Variants in IGF2BP3 observed in about 807,000 individuals in gnomAD.
IGF2BP3 encodes the protein insulin-like growth factor 2 mRNA-binding protein 3.
Under a neutral mutation model 73.8 loss-of-function variants are expected in IGF2BP3, and 9 were observed. The observed-to-expected ratio is 0.12, with a 90% CI of 0.07 to 0.21. The LOEUF (loss-of-function observed/expected upper bound fraction) is 0.21. Ranked by LOEUF, IGF2BP3 falls within the 10% of genes least tolerant of loss-of-function variation. The probability of loss-of-function intolerance (pLI) is 1.00; values close to 1 mark genes in which losing one functional copy is unlikely to be tolerated. For missense variants in IGF2BP3, 542 were observed against 714.0 expected, an observed-to-expected ratio of 0.76 and a Z score of 2.75; for synonymous variants, 258 against 256.7, an observed-to-expected ratio of 1.01 and a Z score of -0.05.
intron 6 of IGF2BP3, among the ~76,000 whole-genome samples, chr7:23,351,104 T>C (rs1583920277): frequency 2.0e-5 from 3 of 152,198 alleles, no homozygotes; most frequent in Admixed American, 6.5e-5. Flanking sequence ...AATCTGACGT[T>C]CCCTTTGAGA....
chr7:23,407,958 GGC>G (rs1562733797), intron 3 of IGF2BP3, among the ~76,000 whole-genome samples: 3 of 42,026 alleles, frequency 7.1e-5, no homozygotes, highest in East Asian at 4.6e-4. Flanking sequence ...GGGGGCGGGG[GGC>G]GGGGGGGGGG....
chr7:23,412,842 CTTTTTTTTTTTTTTTTTTTTT>C (rs557467066), intron 3 of IGF2BP3, among the ~76,000 whole-genome samples: 8 of 36,982 alleles, frequency 2.2e-4, no homozygotes, highest in African/African-American at 3.3e-4. Flanking sequence ...AGACTCTGGC[CTTTTTTTTTTTTTTTTTTTTT>C]TTTTTTTTTT....
At chr7:23,401,283 T>G (rs1786653767) in intron 3 of IGF2BP3, among the ~76,000 whole-genome samples, 1 of 152,100 alleles carries the variant, frequency 6.6e-6, no homozygotes, top group Admixed American at 6.5e-5. Context: ...GAGGAACAGT[T>G]GCGGGCCCCC....
At chr7:23,426,882 C>G (rs1009220824) in intron 2 of IGF2BP3, among the ~76,000 whole-genome samples, 2 of 152,200 alleles carry the variant, frequency 1.3e-5, no homozygotes, top group Non-Finnish European at 2.9e-5. Flanking sequence ...ATCATGCCTT[C>G]TGTGTTTTTT....
intron 10 of IGF2BP3, among the ~76,000 whole-genome samples, chr7:23,333,340 C>T (rs948727492): frequency 2.0e-5 from 3 of 152,070 alleles, no homozygotes. Context: ...CCTAAATATC[C>T]CCAGAGAACA....
chr7:23,372,636 A>C (rs897573376), intron 3 of IGF2BP3, among the ~76,000 whole-genome samples: 5 of 152,198 alleles, frequency 3.3e-5, no homozygotes, highest in African/African-American at 9.6e-5. Context: ...ACTGATTTTA[A>C]AAGCCGAGCA....
intron 10 of IGF2BP3, among the ~76,000 whole-genome samples, chr7:23,341,199 T>C (rs922510815): frequency 3.3e-5 from 5 of 152,132 alleles, no homozygotes; most frequent in Non-Finnish European, 5.9e-5. Flanking sequence ...AAACATCTGC[T>C]TAATGTATGC....
At chr7:23,314,260 G>A (rs192869183) in intron 12 of IGF2BP3, among the ~76,000 whole-genome samples, 297 of 150,808 alleles carry the variant, frequency 2.0e-3, no homozygotes, top group Non-Finnish European at 3.0e-3. Context: ...TTGGGTCACT[G>A]CAACCCCCGC....
intron 2 of IGF2BP3, among the ~76,000 whole-genome samples, chr7:23,456,920 G>A (rs10950945): frequency 0.17 from 25,592 of 151,956 alleles, 2,457 homozygotes; most frequent in South Asian, 0.27. Context: ...GTAGTGGCAC[G>A]CGCCCATAGT....
At chr7:23,387,020 T>C (rs1786103680) in intron 3 of IGF2BP3, among the ~76,000 whole-genome samples, 3 of 147,160 alleles carry the variant, frequency 2.0e-5, no homozygotes. Flanking sequence ...TGAGCAGAGA[T>C]CACGTCACTG....
intron 2 of IGF2BP3, among the ~76,000 whole-genome samples, chr7:23,428,852 G>C: frequency 6.6e-6 from 1 of 151,820 alleles, no homozygotes; most frequent in Non-Finnish European, 1.5e-5. Flanking sequence ...TTAATTCAGA[G>C]TCATACATAT....
chr7:23,379,703 T>A (rs566595014), intron 3 of IGF2BP3, among the ~76,000 whole-genome samples: 2 of 152,022 alleles, frequency 1.3e-5, no homozygotes, highest in Non-Finnish European at 1.5e-5. Flanking sequence ...CAAAACAAAA[T>A]CTCAATTTTC....
chr7:23,327,444 C>T (rs997884171), intron 10 of IGF2BP3, among the ~76,000 whole-genome samples: 5 of 151,978 alleles, frequency 3.3e-5, no homozygotes, highest in Non-Finnish European at 7.4e-5. Context: ...TCACGCCCGG[C>T]TAATTTTTTT....
chr7:23,405,640 G>A (rs987103167), intron 3 of IGF2BP3, among the ~76,000 whole-genome samples: 2 of 152,190 alleles, frequency 1.3e-5, no homozygotes, highest in Admixed American at 6.5e-5. Context: ...TCATGGAAGT[G>A]CGTACCCTAT....
intron 2 of IGF2BP3, among the ~76,000 whole-genome samples, chr7:23,460,022 A>G (rs1174737069): frequency 1.3e-5 from 2 of 151,560 alleles, no homozygotes; most frequent in Non-Finnish European, 2.9e-5. Flanking sequence ...TGAGCCAAGG[A>G]GTTCAAGACT....
At chr7:23,327,276 TAA>T (rs1784326247) in intron 10 of IGF2BP3, among the ~76,000 whole-genome samples, 1 of 108,862 alleles carries the variant, frequency 9.2e-6, no homozygotes, top group Admixed American at 1.4e-4. Flanking sequence ...TCCTAATTTC[TAA>T]TTTTTTTTTT....
chr7:23,436,731 T>C (rs747956366), intron 2 of IGF2BP3, among the ~76,000 whole-genome samples: 3 of 152,256 alleles, frequency 2.0e-5, no homozygotes, highest in Non-Finnish European at 4.4e-5. Flanking sequence ...TTTTCTAAGA[T>C]TGTTACATTA....
intron 2 of IGF2BP3, among the ~76,000 whole-genome samples, chr7:23,449,108 C>T (rs1386932258): frequency 2.9e-5 from 4 of 140,298 alleles, no homozygotes; most frequent in East Asian, 4.1e-4. Context: ...CTTCCTATAC[C>T]GATTTATTAT....
chr7:23,434,693 C>T (rs1340777494), intron 2 of IGF2BP3, among the ~76,000 whole-genome samples: 1 of 152,186 alleles, frequency 6.6e-6, no homozygotes, highest in East Asian at 1.9e-4. Context: ...AACCCTTCTC[C>T]TAGCAGAAAA....
Sources: gnomAD v4.1 joint callset for allele counts (sites outside exome capture counted in the v4.1 genomes callset) on GRCh38, gnomAD v4.1.1 for gene constraint, MANE v1.5 for transcripts, NCBI Gene and HGNC (gene_info 2026-07-23, HGNC 2026-07-21) for gene names.